The following GLI3 variants were observed in gnomAD, a reference collection of about 807,000 sequenced individuals.
GLI3 encodes the protein transcription activator GLI3.
In GLI3, 20 loss-of-function variants were observed where a neutral mutation model predicts 100.8. The ratio of observed to expected loss-of-function variants is 0.20; its 90% CI spans 0.14 to 0.29. The LOEUF (loss-of-function observed/expected upper bound fraction) is 0.29. Among genes scored for constraint, GLI3 ranks in the 10% least tolerant of loss-of-function variants. The pLI is 1.00. For synonymous variants in GLI3, 938 were observed against 860.5 expected (o/e 1.09, Z -1.58); for missense variants, 2,040 against 2,128.5 (o/e 0.96, Z 0.82).
intron 2 of GLI3, among the ~76,000 whole-genome samples, chr7:42,169,588 G>A (rs917878772): frequency 6.6e-6 from 1 of 152,100 alleles, no homozygotes; most frequent in African/African-American, 2.4e-5. Context: ...TATACTGGTT[G>A]GCCCAATCCT....
chr7:41,998,494 C>T (rs1163315053), intron 10 of GLI3, among the ~76,000 whole-genome samples: 3 of 152,158 alleles, frequency 2.0e-5, no homozygotes, highest in Non-Finnish European at 4.4e-5. Context: ...ATGGCCCTCA[C>T]TTATATAATT....
At chr7:42,046,299 A>G (rs1784243510) in intron 5 of GLI3, among the ~76,000 whole-genome samples, 2 of 152,236 alleles carry the variant, frequency 1.3e-5, no homozygotes, top group Admixed American at 1.3e-4. Context: ...CGTCAGGAGC[A>G]AAAATTAAAT....
At chr7:42,091,789 G>GATTCTTCCCGGAGGTGAGTGAGGCCAA (rs1562724321) in intron 3 of GLI3, among the ~76,000 whole-genome samples, 2 of 152,198 alleles carry the variant, frequency 1.3e-5, no homozygotes, top group African/African-American at 4.8e-5. Flanking sequence ...GTTCCTTAAC[G>GATTCTTCCCGGAGGTGAGTGAGGCCAA]ATTCTTCCCG....
At chr7:42,140,577 A>C (rs1325625510) in intron 3 of GLI3, among the ~76,000 whole-genome samples, 1 of 152,232 alleles carries the variant, frequency 6.6e-6, no homozygotes, top group Non-Finnish European at 1.5e-5. Context: ...TTCAAAGCGT[A>C]CAACAAGAAT....
chr7:42,032,765 T>A (rs1374640996), intron 7 of GLI3, among the ~76,000 whole-genome samples: 1 of 151,946 alleles, frequency 6.6e-6, no homozygotes, highest in Non-Finnish European at 1.5e-5. Context: ...TGTTTTTATA[T>A]AAAAATAAAG....
chr7:41,962,306 CTG>C lies in GLI3; in HGVS notation c.*2022_*2023del, dbSNP rs1167097177. On this transcript the variant is annotated 3_prime_UTR_variant, in exon 15 of 15. Coordinates refer to ENST00000395925, the MANE Select transcript of GLI3 (RefSeq NM_000168.6). Reference sequence around the variant, plus strand: ...AACCATTAGAGCACACAAGATAAGACTGGAGATTTGGAGATTTGTGGAAAAGT... The same window carrying C: ...AACCATTAGAGCACACAAGATAAGACGAGATTTGGAGATTTGTGGAAAAGT... 1.3e-5 allele frequency: 2 copies of C among 152,186 alleles called. No homozygotes were observed. Among genetic ancestry groups the C allele is most frequent in the African/African-American group, 4.8e-5 (2 of 41,440 alleles). 9.4% of individuals were successfully genotyped at this position (152,186 alleles called of 1,614,324 possible). A position where few individuals can be genotyped will look rare whatever the true frequency, so the allele number is the denominator to read the frequency against.
chr7:42,107,271 C>T (rs1164824538), intron 3 of GLI3, among the ~76,000 whole-genome samples: 4 of 151,794 alleles, frequency 2.6e-5, no homozygotes, highest in South Asian at 2.1e-4. Flanking sequence ...GTCGGGGCTG[C>T]GTGAGCCGAG....
At chr7:42,258,280 G>A (rs531184595) in intron 1 of GLI3, among the ~76,000 whole-genome samples, 1 of 152,252 alleles carries the variant, frequency 6.6e-6, no homozygotes, top group African/African-American at 2.4e-5. Flanking sequence ...TCACCTGTAT[G>A]ACCAACATTT....
intron 2 of GLI3, among the ~76,000 whole-genome samples, chr7:42,215,944 A>G (rs1441651644): frequency 6.6e-6 from 1 of 152,188 alleles, no homozygotes; most frequent in African/African-American, 2.4e-5. Context: ...CTAACAACTG[A>G]TGTTATGCTG....
In GLI3 at chr7:42,213,724, A is replaced by G. The variant is rs112204793; in HGVS notation, c.124+9406T>C. Among the ~76,000 whole-genome samples the G allele has an allele frequency of 6.7e-3, 1,021 of 152,366 alleles. 8 individuals are homozygous for G. Among genetic ancestry groups the G allele is most frequent in the African/African-American group, 0.023 (959 of 41,578 alleles). On this transcript the variant is annotated intron_variant, in intron 2 of 14. Coordinates refer to ENST00000395925, the MANE Select transcript of GLI3 (RefSeq NM_000168.6). The stretch of plus-strand genomic sequence containing the variant: ...GTCGCAGAATGGGCCCGTAAGTGGA[A>G]ATGTCGCCTATCCATTCTGAAATGA...
upstream of GLI3, chr7:42,237,766 G>C (rs968908345): frequency 5.3e-5 from 8 of 152,136 alleles, no homozygotes; most frequent in African/African-American, 1.9e-4. Context: ...GGAAAACTTG[G>C]AGTGCTGCTC....
intron 12 of GLI3, among the ~76,000 whole-genome samples, chr7:41,976,006 T>C (rs567841013): frequency 4.6e-5 from 7 of 152,324 alleles, no homozygotes; most frequent in Admixed American, 4.6e-4. Flanking sequence ...ATTAGTACAT[T>C]CTAGACATTG....
intron 10 of GLI3, among the ~76,000 whole-genome samples, chr7:42,000,598 A>G (rs1788258805): frequency 6.7e-6 from 1 of 148,184 alleles, no homozygotes; most frequent in Admixed American, 6.7e-5. Flanking sequence ...TCAGAAAAAA[A>G]TTAGAAATGT....
chr7:42,130,304 C>A (rs577710268), intron 3 of GLI3, among the ~76,000 whole-genome samples: 2 of 152,064 alleles, frequency 1.3e-5, no homozygotes, highest in African/African-American at 4.8e-5. Context: ...TCCTTCTCCA[C>A]GGTTTTGGGG....
rs202057997 is a variant in GLI3 at position 42,186,439 on chromosome 7, G to GA, written c.124+36690dup. 4.9e-3 allele frequency among the ~76,000 whole-genome samples: 753 copies of GA among 152,152 alleles called. 7 individuals carry two copies. Among genetic ancestry groups the GA allele is most frequent in the African/African-American group, 0.017 (711 of 41,520 alleles). ...AATAATGACGTTCTTGATTTTGCAA[G>GA]AAAAAAAGTATTTGAAAGGCCTTTT... On this transcript the variant is annotated intron_variant, in intron 2 of 14. Coordinates refer to ENST00000395925, the MANE Select transcript of GLI3 (RefSeq NM_000168.6).
chr7:41,980,247 GA>G (rs1787620115), intron 10 of GLI3, among the ~76,000 whole-genome samples: 1 of 152,200 alleles, frequency 6.6e-6, no homozygotes, highest in Non-Finnish European at 1.5e-5. Context: ...GGTTTCCTAT[GA>G]AAAGCCAGCC....
At chr7:42,207,570 A>G (rs1406668647) in intron 2 of GLI3, among the ~76,000 whole-genome samples, 3 of 152,182 alleles carry the variant, frequency 2.0e-5, no homozygotes, top group Non-Finnish European at 4.4e-5. Context: ...GTCAAAGCAC[A>G]CAGTTTTTTT....
chr7:42,100,714 T>C (rs2877137), intron 3 of GLI3, among the ~76,000 whole-genome samples: 79,368 of 151,760 alleles, frequency 0.52, 22,961 homozygotes, highest in African/African-American at 0.79. Context: ...TGCACTCCAG[T>C]GTGGGTGACA....
At chr7:42,047,231 A>G (rs906080799) in intron 5 of GLI3, among the ~76,000 whole-genome samples, 10 of 152,380 alleles carry the variant, frequency 6.6e-5, no homozygotes, top group Non-Finnish European at 1.2e-4. Context: ...ATTATTAACC[A>G]GTAAATTCAA....
Sources: allele counts gnomAD v4.1 joint callset (sites outside exome capture counted in the v4.1 genomes callset), GRCh38; gene constraint gnomAD v4.1.1; transcripts MANE v1.5; gene names NCBI Gene and HGNC (gene_info 2026-07-23, HGNC 2026-07-21).